Variants in THOC2 observed in about 807,000 individuals in gnomAD.
The protein encoded by THOC2 is THO complex subunit 2, also known as THO complex 2.
THOC2 carries 10 observed loss-of-function variants against 128.4 expected under a neutral mutation model. The observed-to-expected ratio is 0.08, with a 90% CI of 0.05 to 0.13. THOC2 has a LOEUF of 0.13. Among genes scored for constraint, THOC2 ranks in the 10% least tolerant of loss-of-function variants. The pLI is 1.00. For missense variants in THOC2, 535 were observed against 1,155.7 expected (o/e 0.46, Z 7.79); for synonymous variants, 393 against 396.9 (o/e 0.99, Z 0.12).
At chrX:123,608,852 C>T (rs1603223570) in intron 38 of THOC2, among the ~76,000 whole-genome samples, 1 of 112,415 alleles carries the variant, frequency 8.9e-6, no homozygotes, top group Non-Finnish European at 1.9e-5. Flanking sequence ...GGACATCCAG[C>T]TAGACATACT....
At chrX:123,690,412 C>T (rs1317358634) in intron 7 of THOC2, among the ~76,000 whole-genome samples, 2 of 111,860 alleles carry the variant, frequency 1.8e-5, no homozygotes, top group Non-Finnish European at 3.8e-5. Context: ...AAAACTATAG[C>T]GATTAATAAA....
intron 25 of THOC2, 21 bp from the exon 26 acceptor site, chrX:123,624,690 A>G: frequency 8.5e-7 from 1 of 1,181,558 alleles, no homozygotes; most frequent in South Asian, 1.8e-5. Flanking sequence ...AAAATGTTTA[A>G]AAAATATAAA....
At chrX:123,654,908 A>C (rs546905421) in intron 12 of THOC2, among the ~76,000 whole-genome samples, 1 of 110,456 alleles carries the variant, frequency 9.1e-6, no homozygotes, top group Non-Finnish European at 1.9e-5. Context: ...TACAGGACAC[A>C]CAAAAAATAT....
chrX:123,644,900 G>A lies in THOC2; in HGVS notation c.1438C>T (p.Leu480Phe), dbSNP rs1206963268. Residue 480 changes from leucine to phenylalanine, a missense_variant, in exon 14 of 39, where the codon CTT becomes TTT. Physicochemically the swap from Leu to Phe is conservative, Grantham distance 22. Around this residue, in one of 9 missense-constraint regions of THOC2, gnomAD observed 197 missense variants for 313.4 expected, o/e 0.63. Transcript: ENST00000245838. Reference sequence around the variant, plus strand: ...TCAGTAATGCTAAGCAAACAGCTAAGGATAACTTCCTAAAAGAAAGAAGGA... The same window carrying A: ...TCAGTAATGCTAAGCAAACAGCTAAAGATAACTTCCTAAAAGAAAGAAGGA... Reference protein sequence around the residue: ...QEDKEKTEVILSCLLSITDQV... With the variant: ...QEDKEKTEVIFSCLLSITDQV... 1 of 1,195,240 alleles carries A rather than the reference G, an allele frequency of 8.4e-7. No individual in the cohort carries two copies. Among genetic ancestry groups the A allele is most frequent in the Admixed American group, 2.3e-5 (1 of 42,664 alleles).
At chrX:123,617,880 A>G (rs1413411884) in intron 33 of THOC2, among the ~76,000 whole-genome samples, 1 of 111,880 alleles carries the variant, frequency 8.9e-6, no homozygotes, top group Non-Finnish European at 1.9e-5. Context: ...ACTGGTTATA[A>G]AAACCTACTA....
intron 22 of THOC2, 41 bp downstream of exon 22, chrX:123,631,647 T>C (rs746737156): frequency 1.1e-5 from 13 of 1,179,145 alleles, no homozygotes; most frequent in Non-Finnish European, 1.5e-5. Context: ...AAGAAATAAT[T>C]TGGATCGTTC....
chrX:123,675,998 G>A (rs191272043), intron 8 of THOC2, among the ~76,000 whole-genome samples: 1 of 112,567 alleles, frequency 8.9e-6, no homozygotes, highest in East Asian at 2.8e-4. Flanking sequence ...CTCAGACCCA[G>A]AAGAGAAAGC....
intron 1 of THOC2, among the ~76,000 whole-genome samples, chrX:123,718,166 G>A (rs768413344): frequency 8.9e-6 from 1 of 112,012 alleles, no homozygotes; most frequent in Admixed American, 9.5e-5. Flanking sequence ...TTTCAACAAA[G>A]GGTACCAAGA....
rs993302900 is a variant in THOC2 at position 123,650,292 on chromosome X, G to A, written c.1387-4917C>T. Among the ~76,000 whole-genome samples the A allele has an allele frequency of 4.5e-5, 5 of 111,814 alleles. 1 individual carries two copies. The Middle Eastern group carries it at 0.018, about 412-fold the overall frequency. ...TGTCACTACCAGGCCTGCCTTACAT[G>A]AGCTCCTGAAGGAAGCACTAAATAT... On this transcript the variant is annotated intron_variant, in intron 12 of 38. Coordinates refer to ENST00000245838, the MANE Select transcript of THOC2 (RefSeq NM_001081550.2).
chrX:123,601,169 A>T lies in THOC2; in HGVS notation c.*188T>A, dbSNP rs1236381770. ...ATGTAGAAACTAAGCAACAAGTTAA[A>T]ATACAGTAATGCACAACTTAACAAT... On this transcript the variant is annotated 3_prime_UTR_variant, in exon 39 of 39. Coordinates refer to ENST00000245838, the MANE Select transcript of THOC2 (RefSeq NM_001081550.2). 8.9e-6 allele frequency: 1 copy of T among 112,463 alleles called. No individual in the cohort carries two copies. Among genetic ancestry groups the T allele is most frequent in the Non-Finnish European group, 1.9e-5 (1 of 53,245 alleles). The allele number at this position is 112,463 out of a possible 1,213,427, so 9.3% of individuals were successfully genotyped here.
At chrX:123,700,551 GGGT>G (rs2050659021) in intron 4 of THOC2, among the ~76,000 whole-genome samples, 4 of 77,824 alleles carry the variant, frequency 5.1e-5, no homozygotes, top group Admixed American at 1.4e-4. Context: ...GGGTGGGGGG[GGGT>G]GGGGGGGTGG....
intron 1 of THOC2, among the ~76,000 whole-genome samples, chrX:123,717,245 ATTTT>A: frequency 9.0e-6 from 1 of 111,664 alleles, no homozygotes; most frequent in African/African-American, 3.2e-5. Context: ...AGGCAAAAAA[ATTTT>A]TTTAAAAAAG....
At chrX:123,638,826 C>G (rs1313070627) in intron 17 of THOC2, 108 bp downstream of exon 17, 2 of 475,063 alleles carry the variant, frequency 4.2e-6, no homozygotes, top group Middle Eastern at 1.3e-3. Flanking sequence ...GATCAGCCAC[C>G]TGAATCAACC....
At chrX:123,629,976 CTAAAAA>C (rs2047412462) in intron 22 of THOC2, among the ~76,000 whole-genome samples, 1 of 111,941 alleles carries the variant, frequency 8.9e-6, no homozygotes, top group African/African-American at 3.2e-5. Flanking sequence ...ACAATTAAAA[CTAAAAA>C]TTAGTTTATA....
chrX:123,625,861 T>C, intron 25 of THOC2, 51 bp downstream of exon 25: 5 of 1,115,987 alleles, frequency 4.5e-6, no homozygotes, highest in East Asian at 3.0e-5. Flanking sequence ...TAAATTATAA[T>C]GTTAGCTATC....
intron 7 of THOC2, among the ~76,000 whole-genome samples, chrX:123,687,964 G>A (rs978717970): frequency 8.9e-6 from 1 of 111,886 alleles, no homozygotes; most frequent in Non-Finnish European, 1.9e-5. Flanking sequence ...AAAAAGTATG[G>A]CCTATGAATA....
At chrX:123,657,033 T>G (rs1256146717) in intron 12 of THOC2, among the ~76,000 whole-genome samples, 1 of 110,752 alleles carries the variant, frequency 9.0e-6, no homozygotes, top group Non-Finnish European at 1.9e-5. Context: ...AGGGGCAATA[T>G]AAGCAGAGAT....
intron 9 of THOC2, among the ~76,000 whole-genome samples, chrX:123,668,883 G>A (rs1283668960): frequency 9.0e-6 from 1 of 111,709 alleles, no homozygotes. Flanking sequence ...TATGTGCATA[G>A]TCAACCCTCC....
At chrX:123,681,243 G>A (rs1190189427) in intron 8 of THOC2, among the ~76,000 whole-genome samples, 2 of 111,076 alleles carry the variant, frequency 1.8e-5, no homozygotes, top group Non-Finnish European at 3.8e-5. Flanking sequence ...AACCCCTAAA[G>A]GGAAAGGTGG....
Sources: gnomAD v4.1 joint callset for allele counts (sites outside exome capture counted in the v4.1 genomes callset) on GRCh38, gnomAD v4.1.1 for gene constraint, gnomAD v4.1.1 regional missense constraint, MANE v1.5 for transcripts, NCBI Gene and HGNC (gene_info 2026-07-23, HGNC 2026-07-21) for gene names.